Variants in LPAR1 observed in about 807,000 individuals in gnomAD.
LPAR1 encodes the protein LPA receptor 1.
Under a neutral mutation model 23.8 loss-of-function variants are expected in LPAR1, and 5 were observed. The observed-to-expected ratio is 0.21, with a 90% CI of 0.11 to 0.44. LPAR1 has a LOEUF of 0.44. Among genes scored for constraint, LPAR1 ranks in the 20% least tolerant of loss-of-function variants. LPAR1 has a pLI of 0.99. For synonymous variants in LPAR1, 160 were observed against 164.7 expected, an observed-to-expected ratio of 0.97 and a Z score of 0.22; for missense variants, 311 against 482.8, an observed-to-expected ratio of 0.64 and a Z score of 3.33.
At chr9:110,942,234 A>G (rs2095152737) in intron 4 of LPAR1, 66 bp from the exon 5 acceptor site, 2 of 1,396,348 alleles carry the variant, frequency 1.4e-6, no homozygotes, top group Non-Finnish European at 9.8e-7. Flanking sequence ...GCTTATATAG[A>G]TAACACAAGA....
At chr9:111,025,632 C>T (rs1343252167) in intron 2 of LPAR1, among the ~76,000 whole-genome samples, 1 of 152,128 alleles carries the variant, frequency 6.6e-6, no homozygotes, top group Admixed American at 6.6e-5. Flanking sequence ...ATGCCTGTGT[C>T]CTGAATGGTA....
At chr9:110,989,387 GC>G (rs1347656412) in intron 2 of LPAR1, among the ~76,000 whole-genome samples, 4 of 152,128 alleles carry the variant, frequency 2.6e-5, no homozygotes, top group Non-Finnish European at 5.9e-5. Context: ...TAAATGGCTG[GC>G]TTTTATGGTA....
chr9:110,905,379 T>G (rs1007816582), intron 5 of LPAR1, among the ~76,000 whole-genome samples: 1 of 148,938 alleles, frequency 6.7e-6, no homozygotes, highest in African/African-American at 2.5e-5. Context: ...GGGGTCTCGC[T>G]CTATTACGCA....
intron 4 of LPAR1, among the ~76,000 whole-genome samples, chr9:110,943,347 T>C (rs2095243748): frequency 1.3e-5 from 2 of 151,948 alleles, no homozygotes; most frequent in South Asian, 4.1e-4. Flanking sequence ...ATGACACTTT[T>C]AACCACTATT....
chr9:110,925,364 T>G (rs2093936532), intron 5 of LPAR1, among the ~76,000 whole-genome samples: 1 of 152,076 alleles, frequency 6.6e-6, no homozygotes, highest in Admixed American at 6.6e-5. Context: ...CCACTTATCA[T>G]TGCTCCCATA....
intron 5 of LPAR1, among the ~76,000 whole-genome samples, chr9:110,938,950 A>T (rs2094909999): frequency 6.6e-6 from 1 of 152,184 alleles, no homozygotes; most frequent in African/African-American, 2.4e-5. Flanking sequence ...TACCCTGCCT[A>T]TGAGATAGCC....
intron 2 of LPAR1, among the ~76,000 whole-genome samples, chr9:110,985,863 T>C (rs1040612108): frequency 1.3e-5 from 2 of 152,234 alleles, no homozygotes; most frequent in Admixed American, 1.3e-4. Flanking sequence ...AGAAAATCTC[T>C]ACTTAGAAGT....
chr9:110,981,766 T>A (rs2096671971), intron 2 of LPAR1, among the ~76,000 whole-genome samples: 1 of 151,774 alleles, frequency 6.6e-6, no homozygotes, highest in South Asian at 2.1e-4. Flanking sequence ...AATCTACAAA[T>A]AAACAAATTT....
chr9:111,005,575 A>AAAAAAAAAAAAAAAAAG (rs1564316925), intron 2 of LPAR1, among the ~76,000 whole-genome samples: 29 of 131,500 alleles, frequency 2.2e-4, no homozygotes, highest in African/African-American at 9.4e-4. Context: ...AAAAAAAAAA[A>AAAAAAAAAAAAAAAAAG]AAGAAGAATT....
At chr9:111,002,879 T>TTGTAATCCCGGCAGTC (rs1337954626) in intron 2 of LPAR1, among the ~76,000 whole-genome samples, 1 of 152,146 alleles carries the variant, frequency 6.6e-6, no homozygotes, top group Non-Finnish European at 1.5e-5. Context: ...TGGCTCACAC[T>TTGTAATCCCGGCAGTC]TGTAATCCCG....
intron 3 of LPAR1, 85 bp from the exon 4 acceptor site, chr9:110,972,305 T>A: frequency 1.7e-6 from 1 of 577,820 alleles, no homozygotes. Context: ...GAGGTAAGAA[T>A]CCCTAGACAT....
At chr9:111,024,676 T>TTC (rs1221826448) in intron 2 of LPAR1, among the ~76,000 whole-genome samples, 2 of 151,610 alleles carry the variant, frequency 1.3e-5, no homozygotes, top group Non-Finnish European at 2.9e-5. Flanking sequence ...CATTAGGTAT[T>TTC]TCTCCTAATG....
chr9:110,955,294 T>TGTC (rs1352968893), intron 4 of LPAR1, among the ~76,000 whole-genome samples: 4 of 152,108 alleles, frequency 2.6e-5, no homozygotes, highest in Non-Finnish European at 5.9e-5. Flanking sequence ...CCTATACACA[T>TGTC]GTCAGATAAA....
chr9:110,889,658 T>C (rs540739918), intron 5 of LPAR1, among the ~76,000 whole-genome samples: 27 of 152,330 alleles, frequency 1.8e-4, no homozygotes, highest in African/African-American at 6.3e-4. Context: ...TTACAACTGT[T>C]AATAACAACA....
intron 5 of LPAR1, among the ~76,000 whole-genome samples, chr9:110,921,713 G>A (rs1463775667): frequency 2.0e-5 from 3 of 152,320 alleles, no homozygotes; most frequent in African/African-American, 7.2e-5. Context: ...GCATACAGGT[G>A]GTCTTGTTGT....
rs572526587 is a variant in LPAR1, at chr9:110,917,407, T to A, written c.793+24014A>T. Among the ~76,000 whole-genome samples the A allele has an allele frequency of 2.0e-5, 3 of 152,210 alleles. No homozygotes were observed. The South Asian group carries it at 6.2e-4, about 32-fold the overall frequency. Reference sequence around the variant, plus strand: ...TTTCAGGGGCAGGGCAATACGTTTTTAATAAGACTAAGAAACACTATGCTA... The same window carrying A: ...TTTCAGGGGCAGGGCAATACGTTTTAAATAAGACTAAGAAACACTATGCTA... On this transcript the variant is annotated intron_variant, in intron 5 of 5. Coordinates refer to ENST00000683809, the MANE Select transcript of LPAR1 (RefSeq NM_001351411.2).
At chr9:110,886,250 G>A (rs1273564631) in intron 5 of LPAR1, among the ~76,000 whole-genome samples, 3 of 148,500 alleles carry the variant, frequency 2.0e-5, no homozygotes, top group African/African-American at 7.5e-5. Flanking sequence ...TGTAATCCCA[G>A]CCACTCAGGA....
At chr9:110,931,100 T>C (rs1291176546) in intron 5 of LPAR1, among the ~76,000 whole-genome samples, 1 of 152,186 alleles carries the variant, frequency 6.6e-6, no homozygotes, top group Non-Finnish European at 1.5e-5. Context: ...AGAAAAGTAA[T>C]TGAATATTTC....
At chr9:110,961,298 A>G (rs1346931104) in intron 4 of LPAR1, among the ~76,000 whole-genome samples, 2 of 151,644 alleles carry the variant, frequency 1.3e-5, no homozygotes, top group African/African-American at 4.8e-5. Context: ...ATGAAGAAAT[A>G]CCCAACACTG....
Sources: allele counts gnomAD v4.1 joint callset (sites outside exome capture counted in the v4.1 genomes callset), GRCh38; gene constraint gnomAD v4.1.1; transcripts MANE v1.5; gene names NCBI Gene and HGNC (gene_info 2026-07-23, HGNC 2026-07-21).